Variants in GP6 observed in about 807,000 individuals in gnomAD.
GP6 encodes the protein glycoprotein VI platelet.
A neutral mutation model predicts 37.3 loss-of-function variants in GP6; 45 were observed. That is an observed-to-expected ratio of 1.21 (90% CI 0.95 to 1.55). The LOEUF is 1.55. Among genes scored for constraint, GP6 ranks in the 40% most tolerant of loss-of-function variants. The probability of loss-of-function intolerance (pLI) is 0.00; values close to 1 mark genes in which losing one functional copy is unlikely to be tolerated. For missense variants in GP6, 813 were observed against 760.2 expected (o/e 1.07, Z -0.82); for synonymous variants, 340 against 316.4 (o/e 1.07, Z -0.79).
intron 1 of GP6, among the ~76,000 whole-genome samples, chr19:55,034,124 ATG>A (rs1568646545): frequency 9.4e-5 from 4 of 42,396 alleles, no homozygotes; most frequent in African/African-American, 3.2e-4. Context: ...ACACGTGTAT[ATG>A]TATGTATATG....
intron 5 of GP6, chr19:55,018,921 CT>C (rs1213053291): frequency 4.9e-6 from 3 of 614,408 alleles, no homozygotes; most frequent in East Asian, 5.6e-5. Context: ...TTGATAGACA[CT>C]TGGTTTTTTT....
intron 5 of GP6, 65 bp from the exon 6 acceptor site, chr19:55,018,776 C>T: frequency 1.9e-6 from 2 of 1,070,128 alleles, no homozygotes; most frequent in East Asian, 2.4e-5. Flanking sequence ...TATCTCCATT[C>T]CCCTTTTGAG....
chr19:55,028,314 C>T (rs2074388480), intron 3 of GP6, among the ~76,000 whole-genome samples: 1 of 152,182 alleles, frequency 6.6e-6, no homozygotes. Context: ...TGCTAGCTTC[C>T]GGGTGCCTTC....
Position 55,027,619 on chromosome 19 carries a change from A to G in GP6, c.569T>C (p.Leu190Pro), listed in dbSNP as rs1172177337. The change falls in exon 4 of 8, where the codon CTG (leucine) becomes CCG (proline). Residue 190 changes from leucine to proline, a missense_variant. By Grantham distance (98) the Leu-to-Pro change is moderately conservative. Coordinates refer to ENST00000310373, the MANE Select transcript of GP6 (RefSeq NM_001083899.2). ...CAGGGGGTCGCTGGGGGCTGACCACAGGTATGGGTCCCTGCTGGAGAAGCT... is the reference window on the plus strand; with the variant it reads ...CAGGGGGTCGCTGGGGGCTGACCACGGGTATGGGTCCCTGCTGGAGAAGCT... The G allele has an allele frequency of 6.2e-7, 1 of 1,613,580 alleles. No individual in the cohort carries two copies. The highest frequency in any genetic ancestry group is 1.7e-5 in the Admixed American group (1 of 60,024).
intron 5 of GP6, among the ~76,000 whole-genome samples, chr19:55,024,291 T>TGCACACGCACACACAC (rs1568612580): frequency 8.8e-6 from 1 of 113,350 alleles, no homozygotes; most frequent in Non-Finnish European, 2.0e-5. Context: ...CACACACATA[T>TGCACACGCACACACAC]GCACGCATGC....
intron 6 of GP6, among the ~76,000 whole-genome samples, chr19:55,017,798 C>A (rs1602540964): frequency 6.6e-6 from 1 of 151,966 alleles, no homozygotes; most frequent in African/African-American, 2.4e-5. Context: ...ATGCCGGGCG[C>A]GGTGGCTCAT....
At chr19:55,031,408 C>A (rs940616845) in intron 3 of GP6, among the ~76,000 whole-genome samples, 6 of 152,172 alleles carry the variant, frequency 3.9e-5, no homozygotes, top group African/African-American at 1.4e-4. Flanking sequence ...TGAACAGCCA[C>A]TGCACTCCGG....
In GP6 at chr19:55,029,341, TATATATATATATATATATATATATATATA is replaced by T. The variant is rs1568628382; in HGVS notation, c.326-1508_326-1480del. ...ATATATATATATATATATATATATA[TATATATATATATATATATATATATATATA>T]TATATTTTTTTTTTTTTTTTTTTTT... On this transcript the variant is annotated intron_variant, in intron 3 of 7. Transcript: ENST00000310373. 3.9e-3 allele frequency among the ~76,000 whole-genome samples: 16 copies of T among 4,102 alleles called. 1 individual carries two copies. Among genetic ancestry groups the T allele is most frequent in the African/African-American group, 0.013 (15 of 1,140 alleles). 2.7% of individuals were successfully genotyped at this position (4,102 alleles called of 152,430 possible). A position where few individuals can be genotyped will look rare whatever the true frequency, so the allele number is the denominator to read the frequency against.
intron 3 of GP6, among the ~76,000 whole-genome samples, chr19:55,029,322 A>C (rs1294805423): frequency 2.4e-3 from 2 of 834 alleles, no homozygotes; most frequent in Non-Finnish European, 2.2e-3. Flanking sequence ...TGGCATATAT[A>C]TATATATATA....
intron 5 of GP6, among the ~76,000 whole-genome samples, chr19:55,024,852 AAC>A (rs2074243133): frequency 1.3e-5 from 2 of 151,758 alleles, no homozygotes; most frequent in Admixed American, 1.3e-4. Flanking sequence ...GTGACTCAGA[AAC>A]AGAGTCCCGG....
Position 55,027,621 on chromosome 19 carries a change from G to A in GP6, c.567C>T (p.Tyr189=), listed in dbSNP as rs201652983. 2 of 1,613,536 alleles carry A rather than the reference G, an allele frequency of 1.2e-6. No homozygotes were observed. Among genetic ancestry groups the A allele is most frequent in the Non-Finnish European group, 1.7e-6 (2 of 1,179,580 alleles). ...GGGGGTCGCTGGGGGCTGACCACAG[G>A]TATGGGTCCCTGCTGGAGAAGCTGT... The change falls in exon 4 of 8, where the codon TAC becomes TAT. Residue 189 remains tyrosine, a synonymous_variant. Transcript: ENST00000310373.
chr19:55,024,319 C>T lies in GP6; in HGVS notation c.664+899G>A, dbSNP rs1473164945. Among the ~76,000 whole-genome samples, 3 of 120,968 alleles carry T rather than the reference C, an allele frequency of 2.5e-5. No individual in the cohort carries two copies. In the Admixed American group the frequency reaches 2.5e-4, roughly 10 times the overall value. 79.4% of individuals were successfully genotyped at this position (120,968 alleles called of 152,430 possible). On this transcript the variant is annotated intron_variant, in intron 5 of 7. Coordinates refer to ENST00000310373, the MANE Select transcript of GP6 (RefSeq NM_001083899.2). ...ACGCATGCACACACATATGCACGCA[C>T]ACACACATATGCACGCACACACGCA...
chr19:55,027,835 G>C lies in GP6; in HGVS notation c.353C>G (p.Ala118Gly). ...TGACGACACCGCCGGGCCGGGCTGG[G>C]CTGAGAGCGAGGGTTTGGCAAAAAC... The change falls in exon 4 of 8, where the codon GCC (alanine) becomes GGC (glycine). Residue 118 changes from alanine (A) to glycine (G), a missense_variant. By Grantham distance (60) the Ala-to-Gly change is moderately conservative. Transcript: ENST00000310373. 1 of 1,614,198 alleles carries C rather than the reference G, an allele frequency of 6.2e-7. No homozygotes were observed. Among genetic ancestry groups the C allele is most frequent in the East Asian group, 2.2e-5 (1 of 44,890 alleles).
At chr19:55,019,211 T>G (rs956856991) in intron 5 of GP6, among the ~76,000 whole-genome samples, 1 of 151,316 alleles carries the variant, frequency 6.6e-6, no homozygotes, top group Admixed American at 6.6e-5. Context: ...GTTCAAGCGA[T>G]TCTCCTCCCT....
Position 55,017,219 on chromosome 19 carries a change from C to T in GP6, c.724+1433G>A, listed in dbSNP as rs1027089922. ...GCAACCTCCAACTCGTGAGTTCAAG[C>T]GATTCTCCTGCCTCAGCCTCCCAAG... On this transcript the variant is annotated intron_variant, in intron 6 of 7. Transcript: ENST00000310373. Among the ~76,000 whole-genome samples, 5 of 151,072 alleles carry T rather than the reference C, an allele frequency of 3.3e-5. No homozygotes were observed. In the East Asian group the frequency reaches 9.7e-4, roughly 29 times the overall value.
At chr19:55,024,300 G>GCATGCA (rs1568612731) in intron 5 of GP6, among the ~76,000 whole-genome samples, 7 of 121,864 alleles carry the variant, frequency 5.7e-5, no homozygotes, top group African/African-American at 2.2e-4. Context: ...ATGCACGCAT[G>GCATGCA]CACACACATA....
At position 55,013,876 on chromosome 19, in the gene GP6, C is replaced by T. The variant is rs1386576152; in HGVS notation, c.*206G>A. 5.5e-6 allele frequency: 2 copies of T among 363,252 alleles called. No individual in the cohort carries two copies. The highest frequency in any genetic ancestry group is 1.1e-5 in the Non-Finnish European group (2 of 184,704). The allele number at this position is 363,252 out of a possible 1,614,324, so 22.5% of individuals were successfully genotyped here. ...TGGCCCAGTGGTACAGTTTTACACT[C>T]ATTAGATGGTCAAGAAATGCCTAAA... On this transcript the variant is annotated 3_prime_UTR_variant, in exon 8 of 8. Transcript: ENST00000310373.
At chr19:55,037,878 C>T (rs2074897464) in intron 1 of GP6, among the ~76,000 whole-genome samples, 1 of 152,082 alleles carries the variant, frequency 6.6e-6, no homozygotes, top group Admixed American at 6.6e-5. Context: ...CCACCTCGGC[C>T]TCCCAAGGTT....
chr19:55,015,002 C>T lies in GP6; in HGVS notation c.943G>A (p.Ala315Thr), dbSNP rs1469748957. The stretch of plus-strand genomic sequence containing the variant: ...TTGATTTCCGGGTCAGCGGGAGGGG[C>T]GGGAGGGGCGGAAGCGGCCTCTGCA... Residue 315 changes from alanine (A) to threonine (T), a missense_variant, in exon 8 of 8, where the codon GCC becomes ACC. Transcript: ENST00000310373. 9 of 1,500,376 alleles carry T rather than the reference C, an allele frequency of 6.0e-6. No homozygotes were observed. The highest frequency in any genetic ancestry group is 5.5e-5 in the East Asian group (2 of 36,652). The allele number at this position is 1,500,376 out of a possible 1,614,324, so 92.9% of individuals were successfully genotyped here.
Sources: gnomAD v4.1 joint callset for allele counts (sites outside exome capture counted in the v4.1 genomes callset) on GRCh38, gnomAD v4.1.1 for gene constraint, MANE v1.5 for transcripts, NCBI Gene and HGNC (gene_info 2026-07-23, HGNC 2026-07-21) for gene names.